The following TTLL4 variants were observed in gnomAD, a reference collection of about 807,000 sequenced individuals.
TTLL4 encodes tubulin monoglutamylase TTLL4.
Under a neutral mutation model 122.7 loss-of-function variants are expected in TTLL4, and 85 were observed. That is an observed-to-expected ratio of 0.69 (90% CI 0.58 to 0.83). TTLL4 has a LOEUF of 0.83. Among genes scored for constraint, TTLL4 ranks in the 40% least tolerant of loss-of-function variants. TTLL4 has a pLI of 0.00. For missense variants in TTLL4, 1,363 were observed against 1,488.6 expected, an observed-to-expected ratio of 0.92 and a Z score of 1.39; for synonymous variants, 553 against 563.0, an observed-to-expected ratio of 0.98 and a Z score of 0.25.
At chr2:218,715,118 G>A (rs1941820374) in intron 1 of TTLL4, among the ~76,000 whole-genome samples, 2 of 152,328 alleles carry the variant, frequency 1.3e-5, no homozygotes, top group African/African-American at 4.8e-5. Context: ...AAAAATATTA[G>A]TGAGAAGAGT....
chr2:218,749,791 T>TA lies in TTLL4; in HGVS notation c.2736-217dup, dbSNP rs1459824923. On this transcript the variant is annotated intron_variant, in intron 14 of 19. Transcript: ENST00000392102. Reference sequence around the variant, plus strand: ...CAGTTGTTCTTTTTAAGTGGATCCTTACTGCTTGCTTTCCTTTAGCAGATC... The same window carrying TA: ...CAGTTGTTCTTTTTAAGTGGATCCTTAACTGCTTGCTTTCCTTTAGCAGATC... Among the ~76,000 whole-genome samples the TA allele has an allele frequency of 1.3e-4, 20 of 152,298 alleles. 1 individual carries two copies. The East Asian group carries it at 3.9e-3, about 29-fold the overall frequency.
chr2:218,752,032 C>T (rs904526124), intron 16 of TTLL4, among the ~76,000 whole-genome samples: 5 of 151,818 alleles, frequency 3.3e-5, no homozygotes, highest in Admixed American at 6.6e-5. Flanking sequence ...CTCAGCCTCC[C>T]GAGTAGCTGG....
intron 12 of TTLL4, chr2:218,748,618 T>C (rs1030167788): frequency 6.6e-6 from 3 of 456,020 alleles, no homozygotes; most frequent in Non-Finnish European, 1.1e-5. Context: ...TCGCGCCACT[T>C]CACTCCAGCC....
At chr2:218,724,708 C>T (rs566476739) in intron 1 of TTLL4, among the ~76,000 whole-genome samples, 21 of 152,196 alleles carry the variant, frequency 1.4e-4, no homozygotes, top group African/African-American at 4.1e-4. Context: ...TAAGTAAGGA[C>T]TTACTACTGC....
intron 3 of TTLL4, 111 bp downstream of exon 3, chr2:218,739,274 T>C: frequency 7.3e-7 from 1 of 1,374,792 alleles, no homozygotes; most frequent in African/African-American, 1.4e-5. Flanking sequence ...TTAGCTGCCC[T>C]AGAATTTTTG....
chr2:218,722,978 C>T (rs1942088727), intron 1 of TTLL4, among the ~76,000 whole-genome samples: 1 of 152,216 alleles, frequency 6.6e-6, no homozygotes, highest in Non-Finnish European at 1.5e-5. Context: ...TAAGCTCCTT[C>T]TGCCTGAATA....
At chr2:218,752,661 G>A in intron 16 of TTLL4, 102 bp from the exon 17 acceptor site, 1 of 1,261,128 alleles carries the variant, frequency 7.9e-7, no homozygotes, top group South Asian at 1.3e-5. Context: ...TCCCGGAGCT[G>A]TAGGACCCCA....
In TTLL4 at chr2:218,745,843, A is replaced by C. The variant is rs181070489; in HGVS notation, c.1897+42A>C. 1.1e-4 allele frequency: 165 copies of C among 1,549,194 alleles called. 2 individuals are homozygous for C. The highest frequency in any genetic ancestry group is 5.4e-4 in the African/African-American group (40 of 73,784). On this transcript the variant is annotated intron_variant, in intron 7 of 19. Coordinates refer to ENST00000392102, the MANE Select transcript of TTLL4 (RefSeq NM_014640.5). ...ACTGTGAGCCTGTCCTTTTGCCCCA[A>C]ATAGATGGGCTTTGCATAGGGGGAG...
In TTLL4 at chr2:218,755,274, AG is replaced by A. The variant is rs1428247211; in HGVS notation, c.*888del. On this transcript the variant is annotated 3_prime_UTR_variant, in exon 20 of 20. Transcript: ENST00000392102. ...CTCAATGTTCTGCTGTGCAGCAAGC[AG>A]GGTCTGGCGGCTTGGTAGGTGGGTT... is the stretch of plus-strand genomic sequence containing the variant. The A allele has an allele frequency of 6.6e-6, 1 of 152,286 alleles. No homozygotes were observed. The highest frequency in any genetic ancestry group is 1.5e-5 in the Non-Finnish European group (1 of 68,150). 9.4% of individuals were successfully genotyped at this position (152,286 alleles called of 1,614,324 possible).
At position 218,754,869 on chromosome 2, in the gene TTLL4, AG is replaced by A. The variant is rs1943120908; in HGVS notation, c.*482del. The A allele has an allele frequency of 6.1e-6, 1 of 163,868 alleles. No homozygotes were observed. Among genetic ancestry groups the A allele is most frequent in the African/African-American group, 2.4e-5 (1 of 41,540 alleles). The allele number at this position is 163,868 out of a possible 1,614,324, so 10.2% of individuals were successfully genotyped here. A position where few individuals can be genotyped will look rare whatever the true frequency, so the allele number is the denominator to read the frequency against. On this transcript the variant is annotated 3_prime_UTR_variant, in exon 20 of 20. Transcript: ENST00000392102. Reference sequence around the variant, plus strand: ...TCACCCCTCTCCCACCGCTGTCCTGAGGAGAAACCCTTGAACTTCCTCAGTA... The same window carrying A: ...TCACCCCTCTCCCACCGCTGTCCTGAGAGAAACCCTTGAACTTCCTCAGTA...
At chr2:218,751,241 A>T (rs988835191) in intron 15 of TTLL4, among the ~76,000 whole-genome samples, 1 of 152,262 alleles carries the variant, frequency 6.6e-6, no homozygotes, top group Admixed American at 6.5e-5. Flanking sequence ...TCATCTTTTT[A>T]AAATTATTAT....
At chr2:218,733,046 C>CA (rs906274712) in intron 2 of TTLL4, among the ~76,000 whole-genome samples, 1 of 152,152 alleles carries the variant, frequency 6.6e-6, no homozygotes, top group African/African-American at 2.4e-5. Context: ...ATTCCTAACA[C>CA]AGCCATCTTA....
chr2:218,728,181 G>A (rs1559361019), intron 2 of TTLL4: 1 of 152,458 alleles, frequency 6.6e-6, no homozygotes, highest in Non-Finnish European at 1.5e-5. Context: ...GCGATGGTTT[G>A]GGGATGATTC....
chr2:218,753,441 C>T, intron 18 of TTLL4, 143 bp from the exon 19 acceptor site: 1 of 895,174 alleles, frequency 1.1e-6, no homozygotes, highest in East Asian at 2.4e-5. Context: ...AGACTTTTAC[C>T]CACCTGGGCC....
chr2:218,758,484 A>G (rs1207937604), downstream of TTLL4, among the ~76,000 whole-genome samples: 2 of 152,230 alleles, frequency 1.3e-5, no homozygotes, highest in Non-Finnish European at 2.9e-5. Flanking sequence ...ATAACATGCA[A>G]TAGTGTTACA....
intron 7 of TTLL4, 141 bp downstream of exon 7, chr2:218,745,942 A>G (rs1638799979): frequency 2.3e-6 from 2 of 883,410 alleles, no homozygotes; most frequent in Admixed American, 2.1e-5. Context: ...AGGAGGGTGT[A>G]GCTCTGAAAT....
At position 218,740,167 on chromosome 2, in the gene TTLL4, G is replaced by A. The variant is rs776317626; in HGVS notation, c.1597G>A (p.Gly533Arg). The A allele has an allele frequency of 6.2e-5, 100 of 1,613,838 alleles. 1 individual carries two copies. The South Asian group carries it at 1.0e-3, about 16-fold the overall frequency. The change falls in exon 4 of 20, where the codon GGA becomes AGA. Residue 533 changes from glycine (G) to arginine (R), a missense_variant and splice_region_variant. Around this residue, in one of 3 missense-constraint regions of TTLL4, gnomAD observed 760 missense variants for 808.4 expected, o/e 0.94. Transcript: ENST00000392102. The part of the protein sequence containing the change: ...CSRDENEEEE[G>R]DSECSSLSAV... ...CCGTGATGAGAATGAAGAGGAGGAG[G>A]GTGAGTAGGAAACCCTTTCACTTCC...
In TTLL4 at chr2:218,738,630, C is replaced by G; in HGVS notation, c.954C>G (p.Ser318=). 6.2e-7 allele frequency: 1 copy of G among 1,614,244 alleles called. No homozygotes were observed. The highest frequency in any genetic ancestry group is 8.5e-7 in the Non-Finnish European group (1 of 1,180,050). ...TAGCCATGAGGGCAGAGCCACTTTC[C>G]TGTGCTCTGGATGACAGCTCTGATT... ...NNLAMRAEPL[S]CALDDSSDSQ... The change falls in exon 3 of 20, where the codon TCC becomes TCG. Residue 318 remains serine (S), a synonymous_variant. Transcript: ENST00000392102.
Position 218,748,154 on chromosome 2 carries a change from A to G in TTLL4, c.2428A>G (p.Asn810Asp), listed in dbSNP as rs1309976137. The G allele has an allele frequency of 1.2e-6, 2 of 1,614,110 alleles. No individual in the cohort carries two copies. Among genetic ancestry groups the G allele is most frequent in the Non-Finnish European group, 1.7e-6 (2 of 1,180,014 alleles). The stretch of plus-strand genomic sequence containing the variant: ...TGGCAATAAGTTCATGCACCTGACC[A>G]ACTACAGTGTCAATAAAAAGAATGC... ...SLGNKFMHLT[N>D]YSVNKKNAEY... The change falls in exon 12 of 20, where the codon AAC becomes GAC. Residue 810 changes from asparagine (N) to aspartate (D), a missense_variant. Physicochemically the swap from Asn to Asp is conservative, Grantham distance 23. This residue lies in a region of TTLL4 where 596 missense variants were observed against 655.8 expected (regional missense o/e 0.91). Transcript: ENST00000392102.
Sources: gnomAD v4.1 joint callset for allele counts (sites outside exome capture counted in the v4.1 genomes callset) on GRCh38, gnomAD v4.1.1 for gene constraint, gnomAD v4.1.1 regional missense constraint, MANE v1.5 for transcripts, NCBI Gene and HGNC (gene_info 2026-07-23, HGNC 2026-07-21) for gene names.